The following LARGE1 variants were observed in gnomAD, a reference collection of about 807,000 sequenced individuals.
LARGE1 encodes xylosyl- and glucuronyltransferase LARGE1.
In LARGE1, 43 loss-of-function variants were observed where a neutral mutation model predicts 87.6. The ratio of observed to expected loss-of-function variants is 0.49; its 90% CI spans 0.38 to 0.63. LARGE1 has a LOEUF of 0.63. Among genes scored for constraint, LARGE1 ranks in the 30% least tolerant of loss-of-function variants. The pLI is 0.00. For synonymous variants in LARGE1, 434 were observed against 394.6 expected, an observed-to-expected ratio of 1.10 and a Z score of -1.18; for missense variants, 802 against 1,000.2, an observed-to-expected ratio of 0.80 and a Z score of 2.67.
intron 3 of LARGE1, among the ~76,000 whole-genome samples, chr22:33,638,121 T>G (rs747470699): frequency 6.6e-6 from 1 of 152,210 alleles, no homozygotes; most frequent in Non-Finnish European, 1.5e-5. Context: ...AATGCTATGA[T>G]AGTATCCTCC....
chr22:33,375,540 T>C (rs1052099369), intron 9 of LARGE1, among the ~76,000 whole-genome samples: 1 of 152,068 alleles, frequency 6.6e-6, no homozygotes, highest in Admixed American at 6.6e-5. Flanking sequence ...TGGCAACAAT[T>C]GGTTATATCA....
intron 10 of LARGE1, among the ~76,000 whole-genome samples, chr22:33,337,387 G>A (rs1484588060): frequency 2.0e-5 from 3 of 152,058 alleles, no homozygotes; most frequent in Admixed American, 6.6e-5. Context: ...TGTTCATTCT[G>A]TTTCCTCTGC....
chr22:33,166,901 G>T (rs9609729), intron 11 of LARGE1: 260,347 of 470,072 alleles, frequency 0.55, 73,193 homozygotes, highest in South Asian at 0.62. Flanking sequence ...TCTATGCAAT[G>T]ATACTGGCTA....
At chr22:33,904,549 TC>T (rs1196975284) in intron 1 of LARGE1, among the ~76,000 whole-genome samples, 3 of 152,082 alleles carry the variant, frequency 2.0e-5, no homozygotes, top group Admixed American at 2.0e-4. Flanking sequence ...GCTCCTGGCA[TC>T]CCATGGGGAC....
chr22:33,887,648 G>A (rs1424359608), intron 1 of LARGE1, among the ~76,000 whole-genome samples: 8 of 151,978 alleles, frequency 5.3e-5, no homozygotes, highest in Non-Finnish European at 1.2e-4. Flanking sequence ...TGAGGCAGGA[G>A]AACTGCTTGA....
At chr22:33,778,381 C>A in intron 1 of LARGE1, among the ~76,000 whole-genome samples, 1 of 152,160 alleles carries the variant, frequency 6.6e-6, no homozygotes, top group Admixed American at 6.5e-5. Flanking sequence ...AAGTACAATT[C>A]ATGGCATTTA....
chr22:33,301,808 C>T (rs1023382398), intron 12 of LARGE1, among the ~76,000 whole-genome samples: 8 of 152,184 alleles, frequency 5.3e-5, no homozygotes, highest in Non-Finnish European at 1.2e-4. Flanking sequence ...AGTAGAAGGG[C>T]ACACTAGCTA....
intron 3 of LARGE1, among the ~76,000 whole-genome samples, chr22:33,639,463 T>C (rs945443167): frequency 1.3e-5 from 2 of 152,212 alleles, no homozygotes; most frequent in Non-Finnish European, 2.9e-5. Context: ...AGAAGTTGAA[T>C]ATTCATAATG....
chr22:33,409,798 T>C (rs1306137206), intron 7 of LARGE1, among the ~76,000 whole-genome samples: 2 of 150,280 alleles, frequency 1.3e-5, no homozygotes, highest in East Asian at 2.0e-4. Flanking sequence ...GAGGCAGAGG[T>C]TGCAGTGAGC....
At chr22:33,090,481 C>T in the LARGE1 span, among the ~76,000 whole-genome samples, 1 of 152,042 alleles carries the variant, frequency 6.6e-6, no homozygotes, top group Admixed American at 6.6e-5. Context: ...GCAAGATAAC[C>T]ATAGGGTTAT....
intron 4 of LARGE1, 87 bp downstream of exon 4, chr22:33,626,157 T>C (rs2079914148): frequency 6.5e-6 from 7 of 1,085,212 alleles, no homozygotes; most frequent in Non-Finnish European, 1.0e-5. Flanking sequence ...TGATGAGAAA[T>C]TTTGCTCCTA....
intron 2 of LARGE1, among the ~76,000 whole-genome samples, chr22:33,733,922 C>T (rs536214875): frequency 3.6e-4 from 55 of 152,174 alleles, no homozygotes; most frequent in Non-Finnish European, 6.6e-4. Context: ...AGAATCACAA[C>T]CTGGGTGGCT....
rs771050931 is a variant in LARGE1 at position 33,466,711 on chromosome 22, CACAT to C, written c.788-34450_788-34447del. ...CTCTCTCTACACACACACACACACA[CACAT>C]ACACACACACACTACACACACACAC... On this transcript the variant is annotated intron_variant, in intron 6 of 14. Coordinates refer to ENST00000397394, the MANE Select transcript of LARGE1 (RefSeq NM_133642.5). 7.7e-3 allele frequency among the ~76,000 whole-genome samples: 1,167 copies of C among 150,768 alleles called. 13 individuals are homozygous for C. Among genetic ancestry groups the C allele is most frequent in the African/African-American group, 0.016 (664 of 40,590 alleles).
chr22:33,348,103 C>A (rs994049288), intron 9 of LARGE1, among the ~76,000 whole-genome samples: 1 of 152,124 alleles, frequency 6.6e-6, no homozygotes, highest in African/African-American at 2.4e-5. Context: ...AAGGGCAGGT[C>A]CTCCTGGCTA....
chr22:33,527,378 C>T (rs746964496), intron 6 of LARGE1, among the ~76,000 whole-genome samples: 3 of 152,172 alleles, frequency 2.0e-5, no homozygotes, highest in South Asian at 4.1e-4. Context: ...ACAAAGATAA[C>T]GGCATTACCA....
At chr22:33,808,464 C>A (rs930685203) in intron 1 of LARGE1, among the ~76,000 whole-genome samples, 1 of 152,214 alleles carries the variant, frequency 6.6e-6, no homozygotes, top group Admixed American at 6.5e-5. Flanking sequence ...CTGCCCCTAC[C>A]ACCAAGGTGC....
chr22:33,806,725 T>A (rs2086321338), intron 1 of LARGE1, among the ~76,000 whole-genome samples: 1 of 152,156 alleles, frequency 6.6e-6, no homozygotes, highest in Non-Finnish European at 1.5e-5. Context: ...CAAATCCTCT[T>A]CCTTGGCCGG....
intron 2 of LARGE1, among the ~76,000 whole-genome samples, chr22:33,662,384 T>C (rs767810354): frequency 3.9e-5 from 6 of 152,184 alleles, no homozygotes; most frequent in Non-Finnish European, 7.3e-5. Flanking sequence ...GGACTTGACT[T>C]GCACCATATT....
intron 10 of LARGE1, among the ~76,000 whole-genome samples, chr22:33,334,750 C>T (rs528408435): frequency 3.9e-5 from 6 of 152,328 alleles, no homozygotes; most frequent in South Asian, 2.1e-4. Flanking sequence ...TGGGCCCAGA[C>T]GGCCCTTCCT....
Sources: gnomAD v4.1 joint callset for allele counts (sites outside exome capture counted in the v4.1 genomes callset) on GRCh38, gnomAD v4.1.1 for gene constraint, MANE v1.5 for transcripts, NCBI Gene and HGNC (gene_info 2026-07-23, HGNC 2026-07-21) for gene names.